OSBPL8: variants seen among roughly 807,000 people sequenced by gnomAD.
The protein encoded by OSBPL8 is oxysterol-binding protein-related protein 8.
Under a neutral mutation model 125.5 loss-of-function variants are expected in OSBPL8, and 59 were observed. The ratio of observed to expected loss-of-function variants is 0.47; its 90% CI spans 0.38 to 0.58. The LOEUF is 0.58. Among genes scored for constraint, OSBPL8 ranks in the 20% least tolerant of loss-of-function variants. The pLI, the probability that OSBPL8 is intolerant of heterozygous loss-of-function variation, is 0.00. For synonymous variants in OSBPL8, 330 were observed against 338.9 expected, an observed-to-expected ratio of 0.97 and a Z score of 0.29; for missense variants, 758 against 1,047.8, an observed-to-expected ratio of 0.72 and a Z score of 3.82.
intron 10 of OSBPL8, among the ~76,000 whole-genome samples, chr12:76,392,189 AAGAC>A (rs1379394879): frequency 6.6e-6 from 1 of 152,224 alleles, no homozygotes; most frequent in Non-Finnish European, 1.5e-5. Context: ...ACTCTATAGA[AAGAC>A]AGATTATGTC....
Position 76,369,432 on chromosome 12 carries a change from A to G in OSBPL8, c.2241-131T>C. On this transcript the variant is annotated intron_variant, in intron 20 of 23. Transcript: ENST00000261183. ...CTAATAATGAGATTTCCCCATACCT[A>G]ATCTTCAGATCCTCAACTTATTTTA... is the stretch of plus-strand genomic sequence containing the variant. 6 of 1,403,748 alleles carry G rather than the reference A, an allele frequency of 4.3e-6. No homozygotes were observed. The South Asian group carries it at 4.9e-5, about 11-fold the overall frequency. 87.0% of individuals were successfully genotyped at this position (1,403,748 alleles called of 1,614,324 possible). A position where few individuals can be genotyped will look rare whatever the true frequency, so the allele number is the denominator to read the frequency against.
At chr12:76,508,286 C>T (rs1880623784) in intron 1 of OSBPL8, among the ~76,000 whole-genome samples, 1 of 151,856 alleles carries the variant, frequency 6.6e-6, no homozygotes, top group South Asian at 2.1e-4. Context: ...TAAGAACAAA[C>T]TGGTTTAGCT....
At chr12:76,372,430 A>T (rs1952655978) in intron 18 of OSBPL8, among the ~76,000 whole-genome samples, 1 of 152,082 alleles carries the variant, frequency 6.6e-6, no homozygotes, top group Non-Finnish European at 1.5e-5. Flanking sequence ...GCTGATCTCA[A>T]ACTCCTGAGC....
At chr12:76,551,361 T>C (rs1171647912) in intron 1 of OSBPL8, among the ~76,000 whole-genome samples, 1 of 152,188 alleles carries the variant, frequency 6.6e-6, no homozygotes, top group Non-Finnish European at 1.5e-5. Context: ...CTTGAAACAT[T>C]TTTCATTGTC....
intron 1 of OSBPL8, among the ~76,000 whole-genome samples, chr12:76,545,046 A>T (rs1950746818): frequency 6.6e-6 from 1 of 152,164 alleles, no homozygotes. Context: ...ACAGTTACTT[A>T]CTAGGAAAGA....
At chr12:76,395,175 T>C (rs1461562675) in intron 8 of OSBPL8, among the ~76,000 whole-genome samples, 3 of 152,156 alleles carry the variant, frequency 2.0e-5, no homozygotes, top group Admixed American at 6.5e-5. Flanking sequence ...CTCCACTTTA[T>C]AACCAATGAC....
At chr12:76,390,728 T>A in intron 10 of OSBPL8, 71 bp from the exon 11 acceptor site, 1 of 896,784 alleles carries the variant, frequency 1.1e-6, no homozygotes, top group East Asian at 2.5e-5. Context: ...ATAATAATTA[T>A]ATACAACATT....
chr12:76,378,043 T>A (rs1042114644), intron 16 of OSBPL8, among the ~76,000 whole-genome samples: 1 of 152,086 alleles, frequency 6.6e-6, no homozygotes, highest in Non-Finnish European at 1.5e-5. Flanking sequence ...CAAATGAGGG[T>A]GAGAAAAATC....
Position 76,400,479 on chromosome 12 carries a change from A to C in OSBPL8, c.367-505T>G, listed in dbSNP as rs570753949. ...TGAACATATACATGCATGTGTCTTT[A>C]TAACAGAATGATTACATTCCCTAGG... On this transcript the variant is annotated intron_variant, in intron 6 of 23. Transcript: ENST00000261183. Among the ~76,000 whole-genome samples the C allele has an allele frequency of 5.3e-5, 8 of 152,310 alleles. No individual in the cohort carries two copies. In the South Asian group the frequency reaches 1.7e-3, roughly 32 times the overall value.
At chr12:76,394,543 A>G in intron 9 of OSBPL8, 102 bp downstream of exon 9, 1 of 801,194 alleles carries the variant, frequency 1.2e-6, no homozygotes, top group Non-Finnish European at 2.0e-6. Flanking sequence ...TCTGCTGCAA[A>G]TGCCATACTA....
At chr12:76,397,219 T>C (rs1953845973) in intron 8 of OSBPL8, among the ~76,000 whole-genome samples, 1 of 149,796 alleles carries the variant, frequency 6.7e-6, no homozygotes, top group Admixed American at 6.7e-5. Flanking sequence ...TTTTTAAGAG[T>C]AAGAAAGATT....
chr12:76,376,352 G>C (rs1952818920), intron 16 of OSBPL8, among the ~76,000 whole-genome samples: 1 of 152,176 alleles, frequency 6.6e-6, no homozygotes, highest in Non-Finnish European at 1.5e-5. Context: ...TTTGAGAGGG[G>C]AACAGACTAT....
At chr12:76,459,119 T>C (rs957613209) in intron 3 of OSBPL8, among the ~76,000 whole-genome samples, 4 of 152,180 alleles carry the variant, frequency 2.6e-5, no homozygotes, top group African/African-American at 9.6e-5. Flanking sequence ...ACTTCTCGGA[T>C]ATTTGTGCTA....
At chr12:76,541,066 G>A (rs75897141) in intron 1 of OSBPL8, among the ~76,000 whole-genome samples, 10,672 of 152,250 alleles carry the variant, frequency 0.07, 506 homozygotes, top group Middle Eastern at 0.15. Flanking sequence ...TATCCCTAGT[G>A]CCCCAGCTTC....
intron 1 of OSBPL8, among the ~76,000 whole-genome samples, chr12:76,549,601 C>T (rs559776269): frequency 6.6e-6 from 1 of 152,192 alleles, no homozygotes; most frequent in South Asian, 2.1e-4. Context: ...CAGGGTTTCA[C>T]TATGTTGGCC....
At chr12:76,484,739 A>G (rs1877939750) in intron 2 of OSBPL8, among the ~76,000 whole-genome samples, 1 of 152,196 alleles carries the variant, frequency 6.6e-6, no homozygotes, top group Non-Finnish European at 1.5e-5. Context: ...GCTTAGACCA[A>G]GCAGTTCAAA....
At position 76,479,956 on chromosome 12, in the gene OSBPL8, C is replaced by T. The variant is rs186427238; in HGVS notation, c.42+7554G>A. ...CCGAGGCTGGCGGATCACCTGAGGT[C>T]GGGAGTTCAAGACCAGCATAACCAA... On this transcript the variant is annotated intron_variant, in intron 2 of 23. Coordinates refer to ENST00000261183, the MANE Select transcript of OSBPL8 (RefSeq NM_020841.5). 3.6e-4 allele frequency among the ~76,000 whole-genome samples: 55 copies of T among 151,986 alleles called. No homozygotes were observed. In the East Asian group the frequency reaches 8.3e-3, roughly 23 times the overall value.
intron 1 of OSBPL8, among the ~76,000 whole-genome samples, chr12:76,500,864 G>C (rs1196736844): frequency 6.6e-6 from 1 of 152,136 alleles, no homozygotes; most frequent in Admixed American, 6.5e-5. Flanking sequence ...TTGGAACCAT[G>C]TTTTACTCAG....
Position 76,487,532 on chromosome 12 carries a change from T to A in OSBPL8, c.20A>T (p.Asp7Val), listed in dbSNP as rs1261231742. The A allele has an allele frequency of 4.4e-6, 7 of 1,605,798 alleles. No homozygotes were observed. Among genetic ancestry groups the A allele is most frequent in the Non-Finnish European group, 5.9e-6 (7 of 1,176,692 alleles). ...CACCGAAGTTCGATCAGGTTCTCCA[T>A]CTGCCAAACCTCCCTCCATAATGAA... MEGGLA[D>V]GEPDRTSLLG... Residue 7 changes from aspartate (D) to valine (V), a missense_variant, in exon 2 of 24, where the codon GAT (aspartate) becomes GTT (valine). By Grantham distance (152) the Asp-to-Val change is radical. Around this residue, in one of 3 missense-constraint regions of OSBPL8, gnomAD observed 117 missense variants for 137.1 expected, o/e 0.85. Coordinates refer to ENST00000261183, the MANE Select transcript of OSBPL8 (RefSeq NM_020841.5).
Sources: gnomAD v4.1 joint callset for allele counts (sites outside exome capture counted in the v4.1 genomes callset) on GRCh38, gnomAD v4.1.1 for gene constraint, gnomAD v4.1.1 regional missense constraint, MANE v1.5 for transcripts, NCBI Gene and HGNC (gene_info 2026-07-23, HGNC 2026-07-21) for gene names.